LRGUK: variants seen among roughly 807,000 people sequenced by gnomAD.
The protein encoded by LRGUK is leucine rich repeats and guanylate kinase domain containing, also known as leucine-rich repeat and guanylate kinase domain-containing protein.
In LRGUK, 65 loss-of-function variants were observed where a neutral mutation model predicts 76.0. The ratio of observed to expected loss-of-function variants is 0.85; its 90% CI spans 0.70 to 1.05. LRGUK has a LOEUF of 1.05. Ranked by LOEUF, LRGUK falls within the 50% of genes least tolerant of loss-of-function variation. The probability of loss-of-function intolerance (pLI) is 0.00; values close to 1 mark genes in which losing one functional copy is unlikely to be tolerated. For missense variants in LRGUK, 758 were observed against 732.8 expected, an observed-to-expected ratio of 1.03 and a Z score of -0.40; for synonymous variants, 268 against 265.6, an observed-to-expected ratio of 1.01 and a Z score of -0.09.
chr7:134,238,110 TCTC>T (rs1193684178), intron 16 of LRGUK, among the ~76,000 whole-genome samples: 2 of 152,228 alleles, frequency 1.3e-5, no homozygotes, highest in Non-Finnish European at 2.9e-5. Context: ...CATTGAATAC[TCTC>T]CTTTTGTCTT....
rs143690230 is a variant in LRGUK at position 134,163,977 on chromosome 7, G to A, written c.939+437G>A. On this transcript the variant is annotated intron_variant, in intron 7 of 15. Transcript: ENST00000645682. ...TGGGGGGAGTGTTGGGAAGATGTTG[G>A]TCAAAGGATACAACATTTTGGTTAC... Among the ~76,000 whole-genome samples, 376 of 152,198 alleles carry A rather than the reference G, an allele frequency of 2.5e-3. 1 individual carries two copies. The highest frequency in any genetic ancestry group is 4.2e-3 in the Non-Finnish European group (283 of 68,008).
At chr7:134,136,063 A>G (rs1322223517) in intron 1 of LRGUK, among the ~76,000 whole-genome samples, 1 of 152,138 alleles carries the variant, frequency 6.6e-6, no homozygotes. Context: ...GAAAAAGGGT[A>G]TTTTGCCATG....
At chr7:134,254,626 G>A (rs532967870) in intron 18 of LRGUK, among the ~76,000 whole-genome samples, 47 of 152,190 alleles carry the variant, frequency 3.1e-4, no homozygotes, top group Admixed American at 5.2e-4. Flanking sequence ...TGAAGACCCC[G>A]CCTCCTAATG....
intron 7 of LRGUK, among the ~76,000 whole-genome samples, chr7:134,165,970 G>T (rs898699902): frequency 3.3e-5 from 5 of 152,126 alleles, no homozygotes; most frequent in African/African-American, 9.7e-5. Context: ...TCCCAAAGGG[G>T]GATCCTTTGG....
At chr7:134,162,576 C>A (rs997909489) in intron 6 of LRGUK, among the ~76,000 whole-genome samples, 6 of 152,096 alleles carry the variant, frequency 3.9e-5, no homozygotes, top group South Asian at 4.1e-4. Context: ...CCAGTGATCC[C>A]AGCACTTTGG....
intron 11 of LRGUK, among the ~76,000 whole-genome samples, chr7:134,189,197 A>G (rs1044322790): frequency 6.6e-6 from 1 of 152,220 alleles, no homozygotes; most frequent in Non-Finnish European, 1.5e-5. Flanking sequence ...GGTTCCCATT[A>G]CAAACCATAA....
At chr7:134,129,553 G>T (rs1432955728) in intron 1 of LRGUK, among the ~76,000 whole-genome samples, 1 of 148,400 alleles carries the variant, frequency 6.7e-6, no homozygotes, top group Non-Finnish European at 1.5e-5. Flanking sequence ...ACTCACTGCA[G>T]TCTCGACCTC....
intron 10 of LRGUK, 143 bp downstream of exon 10, chr7:134,178,752 CTTTA>C: frequency 1.8e-6 from 1 of 542,418 alleles, no homozygotes; most frequent in Non-Finnish European, 3.2e-6. Context: ...GGGGCCAAGT[CTTTA>C]TTTGATAGAC....
chr7:134,162,266 G>T (rs981306486), intron 6 of LRGUK, among the ~76,000 whole-genome samples: 2 of 152,070 alleles, frequency 1.3e-5, no homozygotes, highest in African/African-American at 2.4e-5. Context: ...CTTAGTTGGG[G>T]GCTTGGCTCA....
chr7:134,245,867 C>T (rs533315804), intron 16 of LRGUK, among the ~76,000 whole-genome samples: 8 of 152,160 alleles, frequency 5.3e-5, no homozygotes, highest in African/African-American at 1.9e-4. Flanking sequence ...TAAAGTCAAG[C>T]TATTTAGATA....
chr7:134,158,490 A>G (rs1798579768), intron 6 of LRGUK, among the ~76,000 whole-genome samples: 1 of 152,192 alleles, frequency 6.6e-6, no homozygotes, highest in Non-Finnish European at 1.5e-5. Flanking sequence ...ATAGTATCTT[A>G]TTGGTGAAAA....
chr7:134,209,737 A>G (rs1482455224), exon 16 of LRGUK: 1 of 399,630 alleles, frequency 2.5e-6, no homozygotes, highest in East Asian at 3.6e-5. Flanking sequence ...CGCACTCAAA[A>G]CCACCACCAA....
chr7:134,143,260 G>T, intron 4 of LRGUK, 98 bp downstream of exon 4: 1 of 742,644 alleles, frequency 1.3e-6, no homozygotes. Flanking sequence ...GAGAGAATAA[G>T]ATACAGAGGT....
At chr7:134,192,707 G>A (rs924915764) in intron 12 of LRGUK, among the ~76,000 whole-genome samples, 10 of 152,062 alleles carry the variant, frequency 6.6e-5, no homozygotes, top group African/African-American at 2.4e-4. Flanking sequence ...TTTTCATCAC[G>A]ACCAATGAAT....
At chr7:134,188,264 T>G (rs1383898447) in intron 11 of LRGUK, among the ~76,000 whole-genome samples, 3 of 151,846 alleles carry the variant, frequency 2.0e-5, no homozygotes, top group African/African-American at 7.3e-5. Flanking sequence ...AAGTAGGAAG[T>G]GGGGCTTGAG....
chr7:134,135,903 A>G (rs1245739357), intron 1 of LRGUK, among the ~76,000 whole-genome samples: 49 of 152,238 alleles, frequency 3.2e-4, no homozygotes, highest in Non-Finnish European at 5.1e-4. Flanking sequence ...CGAACCGCCC[A>G]CCTTGGCCTC....
intron 18 of LRGUK, among the ~76,000 whole-genome samples, chr7:134,251,624 T>C (rs1802448001): frequency 6.6e-6 from 1 of 152,224 alleles, no homozygotes; most frequent in South Asian, 2.1e-4. Flanking sequence ...AGTTATATGC[T>C]ATGTATGTAT....
At chr7:134,139,585 T>A in intron 3 of LRGUK, 68 bp downstream of exon 3, 1 of 960,354 alleles carries the variant, frequency 1.0e-6, no homozygotes, top group Non-Finnish European at 1.6e-6. Flanking sequence ...GTATGTAATA[T>A]GGTTTAATAA....
intron 1 of LRGUK, among the ~76,000 whole-genome samples, chr7:134,128,280 T>C (rs1797113742): frequency 6.6e-6 from 1 of 152,184 alleles, no homozygotes; most frequent in Admixed American, 6.5e-5. Flanking sequence ...GTGGGAATAT[T>C]TTAGGATGTG....
Sources: allele counts gnomAD v4.1 joint callset (sites outside exome capture counted in the v4.1 genomes callset), GRCh38; gene constraint gnomAD v4.1.1; transcripts MANE v1.5; gene names NCBI Gene and HGNC (gene_info 2026-07-23, HGNC 2026-07-21).